MXRA7: variants seen among roughly 807,000 people sequenced by gnomAD.
MXRA7 encodes the protein matrix remodeling associated 7, also known as matrix-remodeling-associated protein 7.
MXRA7 carries 18 observed loss-of-function variants against 17.4 expected under a neutral mutation model. That is an observed-to-expected ratio of 1.03 (90% CI 0.71 to 1.53). The LOEUF (loss-of-function observed/expected upper bound fraction) is 1.53. MXRA7 is among the 40% of genes most tolerant of loss of function. The pLI is 0.00. For synonymous variants in MXRA7, 70 were observed against 101.7 expected (o/e 0.69, Z 1.87); for missense variants, 141 against 209.3 (o/e 0.67, Z 2.01).
At chr17:76,672,746 C>T (rs1185224010) in exon 4 of MXRA7, 1 of 152,106 alleles carries the variant, frequency 6.6e-6, no homozygotes, top group East Asian at 1.9e-4. Context: ...CGTGATTTGT[C>T]TCCAGAGATG....
At chr17:76,710,559 G>C in intron 1 of MXRA7, 46 bp downstream of exon 1, 8 of 1,229,190 alleles carry the variant, frequency 6.5e-6, no homozygotes, top group Non-Finnish European at 6.1e-6. Context: ...AGCGGCAGCC[G>C]GAGCCCCGGG....
chr17:76,677,494 A>G, downstream of MXRA7: 1 of 814,880 alleles, frequency 1.2e-6, no homozygotes. Context: ...TTATAAGGGA[A>G]AATTAGGCCT....
At chr17:76,688,702 C>T in intron 1 of MXRA7, 1 of 1,230,766 alleles carries the variant, frequency 8.1e-7, no homozygotes, top group Non-Finnish European at 1.0e-6. Context: ...CACAGAGACA[C>T]AATAAACAGA....
chr17:76,688,789 G>C, intron 1 of MXRA7: 2 of 758,366 alleles, frequency 2.6e-6, no homozygotes, highest in Non-Finnish European at 3.6e-6. Context: ...CAGAGGATGA[G>C]AGCGACGTGC....
intron 1 of MXRA7, among the ~76,000 whole-genome samples, chr17:76,695,650 A>G (rs1357452004): frequency 6.6e-6 from 1 of 152,164 alleles, no homozygotes; most frequent in East Asian, 1.9e-4. Flanking sequence ...GCTGGGTCCG[A>G]GATGGGCTTG....
In MXRA7 at chr17:76,680,892, A is replaced by G. The variant is rs1273864083; in HGVS notation, c.501-13T>C. ...TTATTCTTCAGTTCTGTAAAGAGAA[A>G]TGGGGAGAAAAAGATAATTTATTTT... On this transcript the variant is annotated splice_polypyrimidine_tract_variant and intron_variant, in intron 3 of 3. Transcript: ENST00000449428. 2 of 1,593,142 alleles carry G rather than the reference A, an allele frequency of 1.3e-6. No homozygotes were observed. Among genetic ancestry groups the G allele is most frequent in the Non-Finnish European group, 1.7e-6 (2 of 1,163,412 alleles).
chr17:76,693,795 C>G (rs765890626), intron 1 of MXRA7, among the ~76,000 whole-genome samples: 2 of 151,066 alleles, frequency 1.3e-5, no homozygotes, highest in Non-Finnish European at 1.5e-5. Flanking sequence ...GAGCCGAGAT[C>G]ACACCACTAC....
chr17:76,680,980 T>C, intron 3 of MXRA7, 101 bp from the exon 4 acceptor site: 1 of 986,498 alleles, frequency 1.0e-6, no homozygotes, highest in Non-Finnish European at 1.6e-6. Flanking sequence ...AGGAGAATGT[T>C]TGGAATTGCA....
At chr17:76,682,982 A>G (rs1361964293) in intron 3 of MXRA7, among the ~76,000 whole-genome samples, 1 of 152,114 alleles carries the variant, frequency 6.6e-6, no homozygotes, top group South Asian at 2.1e-4. Flanking sequence ...TACTCTCTGA[A>G]AATAAGGGGA....
intron 1 of MXRA7, among the ~76,000 whole-genome samples, chr17:76,700,911 G>A (rs1360862673): frequency 1.3e-5 from 2 of 152,132 alleles, no homozygotes; most frequent in Non-Finnish European, 2.9e-5. Context: ...CGGAGGCTCA[G>A]GCAGGGAGGG....
intron 3 of MXRA7, among the ~76,000 whole-genome samples, chr17:76,682,898 G>C (rs920636884): frequency 2.0e-5 from 3 of 152,234 alleles, no homozygotes; most frequent in African/African-American, 7.2e-5. Flanking sequence ...CGGTCCCACA[G>C]AACAGCCAAG....
At chr17:76,673,620 G>A (rs1039192326) in exon 4 of MXRA7, 1 of 152,108 alleles carries the variant, frequency 6.6e-6, no homozygotes, top group Non-Finnish European at 1.5e-5. Flanking sequence ...GTACAGGCAG[G>A]TCCTTAGGAC....
At chr17:76,706,241 G>A (rs2076655641) in intron 1 of MXRA7, among the ~76,000 whole-genome samples, 1 of 129,900 alleles carries the variant, frequency 7.7e-6, no homozygotes. Context: ...CCGTCACAGA[G>A]GCCCACTCTG....
chr17:76,682,348 T>C (rs1209056295), intron 3 of MXRA7, among the ~76,000 whole-genome samples: 2 of 152,134 alleles, frequency 1.3e-5, no homozygotes, highest in Non-Finnish European at 2.9e-5. Flanking sequence ...ATCAGAGGCA[T>C]GGAGGCCGGG....
At chr17:76,677,612 C>T, downstream of MXRA7, 1 of 1,612,514 alleles carries the variant, frequency 6.2e-7, no homozygotes, top group Non-Finnish European at 8.5e-7. Flanking sequence ...GCCGGAGCTG[C>T]TCCTGCACGT....
At chr17:76,694,649 G>C (rs926729461) in intron 1 of MXRA7, among the ~76,000 whole-genome samples, 2 of 152,110 alleles carry the variant, frequency 1.3e-5, no homozygotes, top group African/African-American at 4.8e-5. Flanking sequence ...AGAGTGATGC[G>C]ATCTCGGCTC....
intron 2 of MXRA7, among the ~76,000 whole-genome samples, chr17:76,687,355 T>C (rs1339277817): frequency 3.3e-5 from 5 of 152,242 alleles, no homozygotes; most frequent in African/African-American, 1.2e-4. Flanking sequence ...CCACTGCTCC[T>C]GCCAGCAGCC....
At position 76,681,923 on chromosome 17, in the gene MXRA7, C is replaced by T. The variant is rs886537964; in HGVS notation, c.501-1044G>A. 6.6e-6 allele frequency among the ~76,000 whole-genome samples: 1 copy of T among 152,208 alleles called. No individual in the cohort carries two copies. Reference sequence around the variant, plus strand: ...GTGGCACTTCCCACAGCAGCTTCAGCGGAACCCAGGGACGCCACCAGAGGC... The same window carrying T: ...GTGGCACTTCCCACAGCAGCTTCAGTGGAACCCAGGGACGCCACCAGAGGC... On this transcript the variant is annotated intron_variant, in intron 3 of 3. Transcript: ENST00000449428. The surrounding 1 kb of genome is among the most constrained non-coding windows in gnomAD (Gnocchi z 4.7).
exon 4 of MXRA7, chr17:76,673,639 A>G (rs2076218663): frequency 6.6e-6 from 1 of 152,210 alleles, no homozygotes; most frequent in Non-Finnish European, 1.5e-5. Flanking sequence ...ACAAATTAGA[A>G]TAAAACAATC....
Sources: allele counts gnomAD v4.1 joint callset (sites outside exome capture counted in the v4.1 genomes callset), GRCh38; gene constraint gnomAD v4.1.1; non-coding constraint Gnocchi (gnomAD v3.1); transcripts MANE v1.5; gene names NCBI Gene and HGNC (gene_info 2026-07-23, HGNC 2026-07-21).